The following AP3D1 variants were observed in gnomAD, a reference collection of about 807,000 sequenced individuals.
The protein encoded by AP3D1 is AP-3 complex subunit delta-1.
A neutral mutation model predicts 147.6 loss-of-function variants in AP3D1; 51 were observed. The ratio of observed to expected loss-of-function variants is 0.35; its 90% confidence interval spans 0.28 to 0.44. The LOEUF (loss-of-function observed/expected upper bound fraction) is 0.44, where lower values mean the gene tolerates loss of function less well. Among genes scored for constraint, AP3D1 ranks in the 20% least tolerant of loss-of-function variants. AP3D1 has a pLI of 1.00. For synonymous variants in AP3D1, 760 were observed against 663.0 expected, an observed-to-expected ratio of 1.15 and a Z score of -2.25; for missense variants, 1,421 against 1,624.2, an observed-to-expected ratio of 0.87 and a Z score of 2.15.
Position 2,121,038 on chromosome 19 carries a change from G to T in AP3D1, c.1305C>A (p.His435Gln), listed in dbSNP as rs1239577076. ...CGTCCAGCATTTGGGCGGCGATGAG[G>T]TGGCCGTGCCGTGTGCCCTCCAGCC... is the stretch of plus-strand genomic sequence containing the variant. The part of the protein sequence containing the change: ...LTRLEGTRHG[H>Q]LIAAQMLDVA... Residue 435 changes from histidine (H) to glutamine (Q), a missense_variant, in exon 14 of 32, where the codon CAC (histidine) becomes CAA (glutamine). His to Gln is a conservative substitution (Grantham distance 24, BLOSUM62 0). This residue lies in a region of AP3D1 where 310 missense variants were observed against 388.1 expected (regional missense o/e 0.80). Transcript: ENST00000643116. 1 of 1,612,906 alleles carries T rather than the reference G, an allele frequency of 6.2e-7. No individual in the cohort carries two copies. The highest frequency in any genetic ancestry group is 1.1e-5 in the South Asian group (1 of 91,082).
rs947559992 is a variant in AP3D1, at chr19:2,141,661, C to T, written c.97-2947G>A. On this transcript the variant is annotated intron_variant, in intron 1 of 31. Transcript: ENST00000643116. ...TTCACCATTTTGGCCATGACGGTCTCGATCTCTTGACCTCATGATCCACCT... is the reference window on the plus strand; with the variant it reads ...TTCACCATTTTGGCCATGACGGTCTTGATCTCTTGACCTCATGATCCACCT... Among the ~76,000 whole-genome samples, 21 of 152,040 alleles carry T rather than the reference C, an allele frequency of 1.4e-4. No individual in the cohort carries two copies. In the East Asian group the frequency reaches 2.7e-3, roughly 20 times the overall value.
chr19:2,110,008 C>G (rs776237023), intron 28 of AP3D1, 50 bp from the exon 29 acceptor site: 1 of 1,603,062 alleles, frequency 6.2e-7, no homozygotes, highest in South Asian at 1.1e-5. Flanking sequence ...GGGCCCAGCT[C>G]AGGGCTCAGG....
In AP3D1 at chr19:2,127,180, G is replaced by A; in HGVS notation, c.828C>T (p.Leu276=). 6.2e-7 allele frequency: 1 copy of A among 1,614,002 alleles called. No homozygotes were observed. The highest frequency in any genetic ancestry group is 1.1e-5 in the South Asian group (1 of 91,084). Residue 276 remains leucine (L), a synonymous_variant, in exon 9 of 32, where the codon CTC becomes CTT. Coordinates refer to ENST00000643116, the MANE Select transcript of AP3D1 (RefSeq NM_001261826.3). The part of the protein sequence containing the change: ...LIHSTSAMSL[L]YECVNTVIAV... Reference sequence around the variant, plus strand: ...CAATCACGGTGTTCACACATTCATAGAGGAGAGACATGGCAGACGTGCTAA... The same window carrying A: ...CAATCACGGTGTTCACACATTCATAAAGGAGAGACATGGCAGACGTGCTAA...
intron 4 of AP3D1, chr19:2,133,504 A>C (rs1277400503): frequency 1.3e-5 from 2 of 150,478 alleles, no homozygotes; most frequent in African/African-American, 4.9e-5. Context: ...AAATATGACA[A>C]GGCCAGCTTT....
intron 1 of AP3D1, among the ~76,000 whole-genome samples, chr19:2,143,607 A>G (rs559900920): frequency 4.6e-5 from 7 of 152,028 alleles, no homozygotes; most frequent in Non-Finnish European, 7.4e-5. Context: ...AAAAAAATCA[A>G]AAAATAAAAA....
At chr19:2,161,456 C>T (rs1168728217) in intron 1 of AP3D1, among the ~76,000 whole-genome samples, 4 of 152,100 alleles carry the variant, frequency 2.6e-5, no homozygotes, top group East Asian at 1.9e-4. Flanking sequence ...GTCACCGCTC[C>T]TGGCTGTCTG....
intron 4 of AP3D1, among the ~76,000 whole-genome samples, chr19:2,134,353 C>G (rs536379638): frequency 6.6e-6 from 1 of 151,408 alleles, no homozygotes; most frequent in Non-Finnish European, 1.5e-5. Flanking sequence ...CCTAGGAGGT[C>G]GAGGCTGCAG....
At chr19:2,111,489 G>A (rs1599444487) in intron 25 of AP3D1, 157 bp from the exon 26 acceptor site, 5 of 1,219,700 alleles carry the variant, frequency 4.1e-6, no homozygotes, top group Admixed American at 4.6e-5. Flanking sequence ...CGGCTCCCAG[G>A]ACCACACAGC....
intron 1 of AP3D1, among the ~76,000 whole-genome samples, chr19:2,163,879 C>G (rs1357521035): frequency 4.7e-5 from 7 of 149,966 alleles, no homozygotes; most frequent in Non-Finnish European, 1.0e-4. Context: ...CCGGCGTCTT[C>G]GCTCCGGGCT....
intron 6 of AP3D1, among the ~76,000 whole-genome samples, chr19:2,130,009 G>C (rs964959026): frequency 2.6e-5 from 4 of 152,206 alleles, no homozygotes; most frequent in Non-Finnish European, 5.9e-5. Context: ...TGAATCTGCA[G>C]CCGCGTCCCG....
chr19:2,151,810 C>T (rs1359114433), upstream of AP3D1, among the ~76,000 whole-genome samples: 5 of 152,264 alleles, frequency 3.3e-5, no homozygotes, highest in African/African-American at 4.8e-5. Flanking sequence ...AGTTCTGAGC[C>T]CTAGCCACGC....
chr19:2,103,716 C>G (rs1217264430), intron 31 of AP3D1, among the ~76,000 whole-genome samples: 1 of 152,132 alleles, frequency 6.6e-6, no homozygotes, highest in African/African-American at 2.4e-5. Context: ...CAGCTGGGAC[C>G]TGACCACCCA....
chr19:2,124,015 G>T, intron 9 of AP3D1, 136 bp from the exon 10 acceptor site: 2 of 1,006,264 alleles, frequency 2.0e-6, no homozygotes, highest in Non-Finnish European at 3.0e-6. Flanking sequence ...CTGAGTTTGG[G>T]ACCACGCAGC....
intron 1 of AP3D1, among the ~76,000 whole-genome samples, chr19:2,142,027 T>TAC (rs1002309163): frequency 1.7e-4 from 26 of 151,162 alleles, no homozygotes; most frequent in East Asian, 1.5e-3. Flanking sequence ...TATATATATA[T>TAC]GTATCTTTTG....
At chr19:2,120,121 T>C (rs890266686) in intron 14 of AP3D1, among the ~76,000 whole-genome samples, 6 of 151,866 alleles carry the variant, frequency 4.0e-5, no homozygotes, top group Non-Finnish European at 5.9e-5. Context: ...CCAGTGGTGG[T>C]GATGGGGCCG....
At chr19:2,122,090 G>A (rs2018628036) in intron 11 of AP3D1, among the ~76,000 whole-genome samples, 1 of 152,180 alleles carries the variant, frequency 6.6e-6, no homozygotes, top group South Asian at 2.1e-4. Flanking sequence ...GGTGCAGGCT[G>A]CCCCCATGCC....
Position 2,121,279 on chromosome 19 carries a change from C to T in AP3D1, c.1134G>A (p.Lys378=), listed in dbSNP as rs747776022. The part of the protein sequence containing the change: ...VSKKNLMEIV[K]KLMTHVDKAE... The stretch of plus-strand genomic sequence containing the variant: ...CCTTGTCTACGTGGGTCATCAGCTT[C>T]TTCACGATCTCCATCAGGTTCTTCT... The change falls in exon 13 of 32, where the codon AAG becomes AAA. Residue 378 remains lysine, a synonymous_variant. Transcript: ENST00000643116. 6.2e-7 allele frequency: 1 copy of T among 1,614,204 alleles called. No individual in the cohort carries two copies. The highest frequency in any genetic ancestry group is 1.1e-5 in the South Asian group (1 of 91,080).
intron 4 of AP3D1, among the ~76,000 whole-genome samples, chr19:2,134,308 C>T (rs986041257): frequency 6.6e-6 from 1 of 151,850 alleles, no homozygotes; most frequent in Non-Finnish European, 1.5e-5. Flanking sequence ...GCAGTCCCAG[C>T]TACTCAGGAG....
chr19:2,107,480 C>G (rs971974518), intron 31 of AP3D1, among the ~76,000 whole-genome samples: 8 of 151,854 alleles, frequency 5.3e-5, no homozygotes, highest in Middle Eastern at 6.3e-3. Context: ...GTGGCTCAAG[C>G]CTGTAATCCT....
Sources: allele counts gnomAD v4.1 joint callset (sites outside exome capture counted in the v4.1 genomes callset), GRCh38; gene constraint gnomAD v4.1.1; regional missense constraint gnomAD v4.1.1; transcripts MANE v1.5; gene names NCBI Gene and HGNC (gene_info 2026-07-23, HGNC 2026-07-21).